The following RPGRIP1L variants were observed in gnomAD, a reference collection of about 807,000 sequenced individuals.
The protein encoded by RPGRIP1L is protein fantom.
In RPGRIP1L, 131 loss-of-function variants were observed where a neutral mutation model predicts 160.4. The ratio of observed to expected loss-of-function variants is 0.82; its 90% CI spans 0.71 to 0.94. The LOEUF (loss-of-function observed/expected upper bound fraction) is 0.94, where lower values mean the gene tolerates loss of function less well. RPGRIP1L is among the 40% of genes least tolerant of loss of function. RPGRIP1L has a pLI of 0.00. For missense variants in RPGRIP1L, 1,522 were observed against 1,535.8 expected, an observed-to-expected ratio of 0.99 and a Z score of 0.15; for synonymous variants, 510 against 515.8, an observed-to-expected ratio of 0.99 and a Z score of 0.15.
intron 4 of RPGRIP1L, among the ~76,000 whole-genome samples, chr16:53,689,880 G>A (rs1454187234): frequency 6.6e-6 from 1 of 152,174 alleles, no homozygotes; most frequent in African/African-American, 2.4e-5. Flanking sequence ...GAATCACCAA[G>A]AGAGTACAAA....
chr16:53,678,103 A>G (rs1969322604), intron 6 of RPGRIP1L, among the ~76,000 whole-genome samples: 1 of 151,960 alleles, frequency 6.6e-6, no homozygotes, highest in African/African-American at 2.4e-5. Flanking sequence ...GTCAGGAATG[A>G]TTAAGTTGGA....
intron 6 of RPGRIP1L, 141 bp from the exon 7 acceptor site, chr16:53,675,263 G>A: frequency 1.5e-6 from 1 of 650,794 alleles, no homozygotes; most frequent in Non-Finnish European, 2.7e-6. Context: ...TGAGGTTTTT[G>A]GATTATTATA....
intron 26 of RPGRIP1L, among the ~76,000 whole-genome samples, chr16:53,603,269 G>A (rs1464535045): frequency 6.6e-6 from 1 of 152,232 alleles, no homozygotes; most frequent in Non-Finnish European, 1.5e-5. Context: ...AGTGACTCAA[G>A]GCCAGAAACC....
intron 3 of RPGRIP1L, chr16:53,693,628 C>T (rs1427153795): frequency 6.6e-6 from 1 of 152,170 alleles, no homozygotes; most frequent in Non-Finnish European, 1.5e-5. Context: ...AAACCAAGAT[C>T]CAAGAGTACC....
At chr16:53,610,267 T>C (rs1325369045) in intron 25 of RPGRIP1L, among the ~76,000 whole-genome samples, 1 of 152,130 alleles carries the variant, frequency 6.6e-6, no homozygotes, top group Non-Finnish European at 1.5e-5. Context: ...ATGTATTTTC[T>C]CTACTGAACC....
chr16:53,652,964 C>T lies in RPGRIP1L; in HGVS notation c.1723G>A (p.Gly575Ser). 1 of 1,613,414 alleles carries T rather than the reference C, an allele frequency of 6.2e-7. No homozygotes were observed. The highest frequency in any genetic ancestry group is 8.5e-7 in the Non-Finnish European group (1 of 1,179,698). The part of the protein sequence containing the change: ...LEAQLKDIAY[G>S]TKQYKFKPEI... ...GGTTTAAATTTGTACTGCTTGGTGC[C>T]ATAGGCAATATCCTTTAATTGGGCT... is the stretch of plus-strand genomic sequence containing the variant. The change falls in exon 15 of 27, where the codon GGC becomes AGC. Residue 575 changes from glycine (G) to serine (S), a missense_variant. Gly to Ser is a moderately conservative substitution (Grantham distance 56). Transcript: ENST00000647211.
intron 19 of RPGRIP1L, among the ~76,000 whole-genome samples, chr16:53,640,172 C>T (rs909694359): frequency 6.6e-6 from 1 of 152,070 alleles, no homozygotes; most frequent in Non-Finnish European, 1.5e-5. Context: ...AAATTTCATG[C>T]CTGTGCAATC....
At chr16:53,615,424 T>C (rs1485865535) in intron 24 of RPGRIP1L, among the ~76,000 whole-genome samples, 5 of 150,286 alleles carry the variant, frequency 3.3e-5, no homozygotes. Context: ...AATTCAATTT[T>C]AGTTTTTCAG....
At chr16:53,616,712 A>G (rs1023915992) in intron 24 of RPGRIP1L, among the ~76,000 whole-genome samples, 2 of 152,126 alleles carry the variant, frequency 1.3e-5, no homozygotes, top group African/African-American at 4.8e-5. Context: ...ATTCATTAAA[A>G]ACATAACTGT....
Position 53,619,127 on chromosome 16 carries a change from G to A in RPGRIP1L, c.3514C>T (p.Leu1172=), listed in dbSNP as rs2150964607. Residue 1172 remains leucine, a synonymous_variant, in exon 24 of 27, where the codon CTG becomes TTG. Coordinates refer to ENST00000647211, the MANE Select transcript of RPGRIP1L (RefSeq NM_015272.5). ...CTGTAGAATCGACACTCAACAAACAGCCGTTGGATAGTGTCATCCATGGTT... is the reference window on the plus strand; with the variant it reads ...CTGTAGAATCGACACTCAACAAACAACCGTTGGATAGTGTCATCCATGGTT... ...QVTMDDTIQR[L]FVECRFYSLP... The A allele has an allele frequency of 1.9e-6, 3 of 1,614,014 alleles. No homozygotes were observed. Among genetic ancestry groups the A allele is most frequent in the Non-Finnish European group, 1.7e-6 (2 of 1,179,908 alleles).
At position 53,687,855 on chromosome 16, in the gene RPGRIP1L, A is replaced by T; in HGVS notation, c.632+8T>A. On this transcript the variant is annotated splice_region_variant and intron_variant, in intron 5 of 26. Transcript: ENST00000647211. ...AGTTCTCAAATTACCACAAAAAAGA[A>T]CACATACAAATTTCTTATTTCTCCT... is the stretch of plus-strand genomic sequence containing the variant. The T allele has an allele frequency of 6.5e-6, 10 of 1,528,126 alleles. No homozygotes were observed. Among genetic ancestry groups the T allele is most frequent in the Non-Finnish European group, 9.1e-6 (10 of 1,102,216 alleles). 94.7% of individuals were successfully genotyped at this position (1,528,126 alleles called of 1,614,324 possible).
chr16:53,624,492 T>G (rs1964944643), intron 22 of RPGRIP1L, among the ~76,000 whole-genome samples: 1 of 151,416 alleles, frequency 6.6e-6, no homozygotes, highest in Admixed American at 6.6e-5. Flanking sequence ...TGCAGTGAGC[T>G]GAGATTGCGC....
intron 15 of RPGRIP1L, among the ~76,000 whole-genome samples, chr16:53,649,644 C>T (rs1043329648): frequency 2.6e-5 from 4 of 152,172 alleles, no homozygotes; most frequent in East Asian, 3.8e-4. Flanking sequence ...CCATGCAGTA[C>T]ACCCTTGCAC....
chr16:53,660,242 A>T (rs765889892), intron 10 of RPGRIP1L, among the ~76,000 whole-genome samples: 2 of 152,186 alleles, frequency 1.3e-5, no homozygotes, highest in Non-Finnish European at 2.9e-5. Flanking sequence ...ACTCTAAGCC[A>T]TGTCATCTAA....
At chr16:53,605,792 A>G (rs1324209761) in intron 25 of RPGRIP1L, among the ~76,000 whole-genome samples, 178 bp from the exon 26 acceptor site, 1 of 152,262 alleles carries the variant, frequency 6.6e-6, no homozygotes, top group Admixed American at 6.5e-5. Context: ...GAATTGTTAT[A>G]AAACACCCAA....
chr16:53,654,287 T>C (rs968208641), intron 14 of RPGRIP1L, among the ~76,000 whole-genome samples: 2 of 152,178 alleles, frequency 1.3e-5, no homozygotes, highest in Admixed American at 1.3e-4. Context: ...TTTTGTTCCT[T>C]ATAGCTTTCT....
In RPGRIP1L at chr16:53,696,232, A is replaced by C. The variant is rs1264265906; in HGVS notation, c.149T>G (p.Leu50Arg). ...ATGCAAACGCAAAAATCTGTCTTCC[A>C]GTTCCTCACGACTGACACGTGACAC... ...QAVSRVSREE[L>R]EDRFLRLHDE... Residue 50 changes from leucine to arginine, a missense_variant, in exon 3 of 27, where the codon CTG (leucine) becomes CGG (arginine). Leu to Arg is a moderately radical substitution (Grantham distance 102). Coordinates refer to ENST00000647211, the MANE Select transcript of RPGRIP1L (RefSeq NM_015272.5). 4 of 1,614,100 alleles carry C rather than the reference A, an allele frequency of 2.5e-6. No homozygotes were observed. Among genetic ancestry groups the C allele is most frequent in the South Asian group, 1.1e-5 (1 of 91,086 alleles).
intron 10 of RPGRIP1L, among the ~76,000 whole-genome samples, chr16:53,660,893 A>G (rs1311567840): frequency 7.8e-6 from 1 of 129,032 alleles, no homozygotes; most frequent in African/African-American, 3.3e-5. Flanking sequence ...ACTACATCTA[A>G]AAAAAAAAAA....
At chr16:53,609,719 AC>A (rs1019820026) in intron 25 of RPGRIP1L, among the ~76,000 whole-genome samples, 2 of 152,004 alleles carry the variant, frequency 1.3e-5, no homozygotes, top group African/African-American at 4.8e-5. Flanking sequence ...GTCACTCATG[AC>A]CTGGGATAAC....
Sources: allele counts gnomAD v4.1 joint callset (sites outside exome capture counted in the v4.1 genomes callset), GRCh38; gene constraint gnomAD v4.1.1; transcripts MANE v1.5; gene names NCBI Gene and HGNC (gene_info 2026-07-23, HGNC 2026-07-21).